The following SLC30A2 variants were observed in gnomAD, a reference collection of about 807,000 sequenced individuals.
SLC30A2 encodes solute carrier family 30 member 2.
A neutral mutation model predicts 39.6 loss-of-function variants in SLC30A2; 19 were observed. The ratio of observed to expected loss-of-function variants is 0.48; its 90% confidence interval spans 0.34 to 0.70. The LOEUF is 0.70. Ranked by LOEUF, SLC30A2 falls within the 30% of genes least tolerant of loss-of-function variation. The pLI is 0.01. For missense variants in SLC30A2, 387 were observed against 479.4 expected (o/e 0.81, Z 1.80); for synonymous variants, 195 against 194.8 (o/e 1.00, Z -0.01).
chr1:26,039,444 C>T lies in SLC30A2; in HGVS notation c.974-139G>A. The T allele has an allele frequency of 1.4e-6, 1 of 706,472 alleles. No homozygotes were observed. The highest frequency in any genetic ancestry group is 2.3e-6 in the Non-Finnish European group (1 of 430,920). 43.8% of individuals were successfully genotyped at this position (706,472 alleles called of 1,614,324 possible). On this transcript the variant is annotated intron_variant, in intron 7 of 7. Transcript: ENST00000374276. The surrounding 1 kb of genome is among the most constrained non-coding windows in gnomAD (Gnocchi z 4.3). The stretch of plus-strand genomic sequence containing the variant: ...ATGGAGAAGCCCCCAGATTCCATTC[C>T]TCTGCCAGGTAGCCTCCCAGCCCAG...
rs1481902068 is a variant in SLC30A2, at chr1:26,043,435, G to T, written c.535C>A (p.Leu179Met). 5 of 1,614,054 alleles carry T rather than the reference G, an allele frequency of 3.1e-6. No individual in the cohort carries two copies. The highest frequency in any genetic ancestry group is 4.2e-6 in the Non-Finnish European group (5 of 1,180,016). The change falls in exon 4 of 8, where the codon CTG (leucine) becomes ATG (methionine). Residue 179 changes from leucine (L) to methionine (M), a missense_variant. By Grantham distance (15) the Leu-to-Met change is conservative (BLOSUM62 2). Transcript: ENST00000374276. ...GCCACAGCGCAGCCCGACGTGATCA[G>T]CATGGTCCCCCCGTCAATTTCATAG... ...GDYEIDGGTMLITSGCAVAVN... is the reference protein window; with the variant it reads ...GDYEIDGGTMMITSGCAVAVN...
At position 26,046,082 on chromosome 1, in the gene SLC30A2, C is replaced by G. The variant is rs2050461492; in HGVS notation, c.-186G>C. 7.6e-7 allele frequency: 1 copy of G among 1,315,894 alleles called. No homozygotes were observed. The highest frequency in any genetic ancestry group is 4.2e-5 in the Admixed American group (1 of 23,552). 81.5% of individuals were successfully genotyped at this position (1,315,894 alleles called of 1,614,324 possible). A position where few individuals can be genotyped will look rare whatever the true frequency, so the allele number is the denominator to read the frequency against. ...TCCCGCTGCGGCTGCAGCTCCGGCT[C>G]TGGCTCCGCGTGCCAAGCGCTCCCG... On this transcript the variant is annotated 5_prime_UTR_variant, in exon 1 of 8. Transcript: ENST00000374276. This position sits in a 1 kb window ranked among gnomAD's most constrained non-coding sequence, Gnocchi z 4.4.
At position 26,038,870 on chromosome 1, in the gene SLC30A2, G is replaced by A. The variant is rs1380308672; in HGVS notation, c.*290C>T. The A allele has an allele frequency of 1.1e-5, 7 of 629,886 alleles. No individual in the cohort carries two copies. The highest frequency in any genetic ancestry group is 1.9e-5 in the African/African-American group (1 of 52,982). 39.0% of individuals were successfully genotyped at this position (629,886 alleles called of 1,614,324 possible). A position where few individuals can be genotyped will look rare whatever the true frequency, so the allele number is the denominator to read the frequency against. On this transcript the variant is annotated 3_prime_UTR_variant, in exon 8 of 8. Coordinates refer to ENST00000374276, the MANE Select transcript of SLC30A2 (RefSeq NM_001004434.3). ...CGTGGCTCACCACCTTTGCCCCTGC[G>A]AGTGGTAGAACATTTGCTGAGGATT...
At position 26,045,972 on chromosome 1, in the gene SLC30A2, G is replaced by C. The variant is rs2050459951; in HGVS notation, c.-76C>G. On this transcript the variant is annotated 5_prime_UTR_variant, in exon 1 of 8. Coordinates refer to ENST00000374276, the MANE Select transcript of SLC30A2 (RefSeq NM_001004434.3). The stretch of plus-strand genomic sequence containing the variant: ...CCCTGAAAGTTGCGCGCGGGACTCC[G>C]GGTGGCGCTCACCCACCTGCCCCGA... 1.3e-6 allele frequency: 2 copies of C among 1,587,126 alleles called. No homozygotes were observed. The highest frequency in any genetic ancestry group is 1.7e-5 in the Admixed American group (1 of 59,036).
At chr1:26,041,277 A>T (rs889062493) in intron 6 of SLC30A2, among the ~76,000 whole-genome samples, 1 of 152,142 alleles carries the variant, frequency 6.6e-6, no homozygotes, top group African/African-American at 2.4e-5. Flanking sequence ...TCCAAGGCTG[A>T]CTGTCCTTCT....
At position 26,039,901 on chromosome 1, in the gene SLC30A2, C is replaced by G; in HGVS notation, c.849G>C (p.Lys283Asn). The G allele has an allele frequency of 6.2e-7, 1 of 1,614,072 alleles. No homozygotes were observed. Among genetic ancestry groups the G allele is most frequent in the Admixed American group, 1.7e-5 (1 of 60,020 alleles). ...VILVLMEGTP[K>N]GVDFTAVRDL... ...CACGAACAGCTGTGAAGTCAACGCC[C>G]TTGGGGGTCCCTGAGGACGGCAAGG... The change falls in exon 7 of 8, where the codon AAG (lysine) becomes AAC (asparagine). Residue 283 changes from lysine (K) to asparagine (N), a missense_variant. By Grantham distance (94) the Lys-to-Asn change is moderately conservative. Transcript: ENST00000374276. The surrounding 1 kb of genome is among the most constrained non-coding windows in gnomAD (Gnocchi z 4.3).
chr1:26,042,288 T>C (rs893028128), intron 5 of SLC30A2, among the ~76,000 whole-genome samples: 1 of 152,218 alleles, frequency 6.6e-6, no homozygotes, highest in Non-Finnish European at 1.5e-5. Context: ...TCTGGCTCTA[T>C]GCTTTACCGG....
chr1:26,045,305 G>T, intron 1 of SLC30A2, 88 bp from the exon 2 acceptor site: 1 of 1,064,800 alleles, frequency 9.4e-7, no homozygotes, highest in Non-Finnish European at 1.4e-6. Context: ...GAGGCCTTGT[G>T]TCCACTGGGA....
Position 26,038,870 on chromosome 1 carries a change from G to T in SLC30A2, c.*290C>A. The T allele has an allele frequency of 4.8e-6, 3 of 630,000 alleles. No homozygotes were observed. Among genetic ancestry groups the T allele is most frequent in the Non-Finnish European group, 6.4e-6 (3 of 466,244 alleles). The allele number at this position is 630,000 out of a possible 1,614,324, so 39.0% of individuals were successfully genotyped here. A position where few individuals can be genotyped will look rare whatever the true frequency, so the allele number is the denominator to read the frequency against. ...CGTGGCTCACCACCTTTGCCCCTGC[G>T]AGTGGTAGAACATTTGCTGAGGATT... On this transcript the variant is annotated 3_prime_UTR_variant, in exon 8 of 8. Coordinates refer to ENST00000374276, the MANE Select transcript of SLC30A2 (RefSeq NM_001004434.3).
intron 3 of SLC30A2, 58 bp from the exon 4 acceptor site, chr1:26,043,609 TTCCCCC>T (rs2124425042): frequency 6.5e-7 from 1 of 1,546,772 alleles, no homozygotes; most frequent in East Asian, 2.3e-5. Context: ...CTAAGGAGTC[TTCCCCC>T]TTCCTTCAGG....
At position 26,045,001 on chromosome 1, in the gene SLC30A2, G is replaced by T; in HGVS notation, c.267C>A (p.Val89=). ...AICLLFMIGE[V]VGGYLAHSLA... is the part of the protein sequence containing the mutation. ...AATTAGCCCAAAAGTGCTTACCAAC[G>T]ACTTCTCCGATCATGAACAACAGGC... The change falls in exon 2 of 8, where the codon GTC becomes GTA. Residue 89 remains valine (V), a synonymous_variant. Coordinates refer to ENST00000374276, the MANE Select transcript of SLC30A2 (RefSeq NM_001004434.3). 1.2e-6 allele frequency: 2 copies of T among 1,614,006 alleles called. No homozygotes were observed. The highest frequency in any genetic ancestry group is 2.2e-5 in the East Asian group (1 of 44,880).
In SLC30A2 at chr1:26,043,824, C is replaced by G. The variant is rs191604612; in HGVS notation, c.419-273G>C. 2.0e-5 allele frequency among the ~76,000 whole-genome samples: 3 copies of G among 152,156 alleles called. No homozygotes were observed. The East Asian group carries it at 5.8e-4, about 29-fold the overall frequency. On this transcript the variant is annotated intron_variant, in intron 3 of 7. Coordinates refer to ENST00000374276, the MANE Select transcript of SLC30A2 (RefSeq NM_001004434.3). ...AGAAGCTGACTTATTAAAGTATGTG[C>G]CTTTTGTTCAGCTAGTAAACTGAGG...
At chr1:26,045,482 G>A (rs1330833269) in intron 1 of SLC30A2, 15 of 591,896 alleles carry the variant, frequency 2.5e-5, no homozygotes, top group Non-Finnish European at 4.2e-5. Context: ...TGGAGCGCGG[G>A]GAAGGAACAG....
chr1:26,045,809 C>T, intron 1 of SLC30A2, 38 bp downstream of exon 1: 1 of 1,613,470 alleles, frequency 6.2e-7, no homozygotes, highest in Non-Finnish European at 8.5e-7. Flanking sequence ...CGTCGGCTGC[C>T]GCCAAAATTC....
At position 26,043,403 on chromosome 1, in the gene SLC30A2, G is replaced by A. The variant is rs200520278; in HGVS notation, c.567C>T (p.Asn189=). The A allele has an allele frequency of 1.2e-6, 2 of 1,613,814 alleles. No homozygotes were observed. The highest frequency in any genetic ancestry group is 3.3e-5 in the Admixed American group (2 of 60,000). The change falls in exon 4 of 8, where the codon AAC becomes AAT. Residue 189 remains asparagine (N), a synonymous_variant. Transcript: ENST00000374276. ...LITSGCAVAV[N]IIMGLTLHQS... is the part of the protein sequence containing the mutation. ...GAAACTGGGGCCCCACTCACATGAT[G>A]TTCACAGCCACAGCGCAGCCCGACG...
At chr1:26,041,333 A>G (rs1569698456) in intron 6 of SLC30A2, among the ~76,000 whole-genome samples, 1 of 151,834 alleles carries the variant, frequency 6.6e-6, no homozygotes, top group Non-Finnish European at 1.5e-5. Flanking sequence ...CATAATCCTC[A>G]CCCCCTCTCT....
chr1:26,044,631 GCCA>G (rs1423051791), intron 2 of SLC30A2, among the ~76,000 whole-genome samples, 187 bp from the exon 3 acceptor site: 1 of 152,062 alleles, frequency 6.6e-6, no homozygotes, highest in African/African-American at 2.4e-5. Context: ...TGTGAAATGG[GCCA>G]CCAATATCTA....
Position 26,038,129 on chromosome 1 carries a change from T to G in SLC30A2, c.*1031A>C, listed in dbSNP as rs2050359028. On this transcript the variant is annotated 3_prime_UTR_variant, in exon 8 of 8. Transcript: ENST00000374276. ...GGCCAGCTCGCCCAAGGCACTTGCT[T>G]ACAATGGCAGAGACAGACCTTGTGA... The G allele has an allele frequency of 6.6e-6, 1 of 152,252 alleles. No individual in the cohort carries two copies. The highest frequency in any genetic ancestry group is 2.1e-4 in the South Asian group (1 of 4,824). 9.4% of individuals were successfully genotyped at this position (152,252 alleles called of 1,614,324 possible).
At position 26,043,493 on chromosome 1, in the gene SLC30A2, C is replaced by A; in HGVS notation, c.477G>T (p.Val159=). The change falls in exon 4 of 8, where the codon GTG becomes GTT. Residue 159 remains valine, a synonymous_variant. Coordinates refer to ENST00000374276, the MANE Select transcript of SLC30A2 (RefSeq NM_001004434.3). The part of the protein sequence containing the change: ...LSIWVVTGVL[V]YLAVERLISG... ...AGATCAGCCGCTCCACAGCCAGGTA[C>A]ACCAGTACCCCCGTCACGACCCAGA... 1 of 1,614,160 alleles carries A rather than the reference C, an allele frequency of 6.2e-7. No homozygotes were observed. Among genetic ancestry groups the A allele is most frequent in the East Asian group, 2.2e-5 (1 of 44,880 alleles).
Sources: gnomAD v4.1 joint callset for allele counts (sites outside exome capture counted in the v4.1 genomes callset) on GRCh38, gnomAD v4.1.1 for gene constraint, Gnocchi (gnomAD v3.1) non-coding constraint, MANE v1.5 for transcripts, NCBI Gene and HGNC (gene_info 2026-07-23, HGNC 2026-07-21) for gene names.